The following SNX13 variants were observed in gnomAD, a reference collection of about 807,000 sequenced individuals.
SNX13 encodes the protein sorting nexin 13, also known as sorting nexin-13.
In SNX13, 45 loss-of-function variants were observed where a neutral mutation model predicts 133.6. The observed-to-expected ratio is 0.34, with a 90% CI of 0.27 to 0.43. The LOEUF is 0.43. Among genes scored for constraint, SNX13 ranks in the 20% least tolerant of loss-of-function variants. The pLI, the probability that SNX13 is intolerant of heterozygous loss-of-function variation, is 1.00. For missense variants in SNX13, 1,032 were observed against 1,145.1 expected (o/e 0.90, Z 1.43); for synonymous variants, 414 against 373.9 (o/e 1.11, Z -1.24).
chr7:17,870,052 G>A (rs1267739890), intron 8 of SNX13, among the ~76,000 whole-genome samples: 2 of 152,078 alleles, frequency 1.3e-5, no homozygotes, highest in African/African-American at 2.4e-5. Context: ...TTAGTCAAGG[G>A]CTAGTCATAT....
At chr7:17,833,573 T>C (rs1380689483) in intron 15 of SNX13, among the ~76,000 whole-genome samples, 2 of 151,634 alleles carry the variant, frequency 1.3e-5, no homozygotes, top group African/African-American at 4.8e-5. Context: ...GATAAATGAC[T>C]CTTGCGGCTT....
intron 1 of SNX13, among the ~76,000 whole-genome samples, chr7:17,914,593 G>A (rs1466006569): frequency 6.6e-6 from 1 of 152,106 alleles, no homozygotes; most frequent in Non-Finnish European, 1.5e-5. Flanking sequence ...TTAAAGAAAA[G>A]AAATGCCAGC....
intron 5 of SNX13, chr7:17,889,276 T>A (rs898626936): frequency 6.6e-6 from 1 of 152,298 alleles, no homozygotes; most frequent in Non-Finnish European, 1.5e-5. Context: ...GGATGAGGAG[T>A]ACAAATCTAT....
At chr7:17,857,532 C>G (rs978368765) in intron 9 of SNX13, among the ~76,000 whole-genome samples, 11 of 152,160 alleles carry the variant, frequency 7.2e-5, no homozygotes, top group Admixed American at 6.5e-4. Context: ...CACCTATAAT[C>G]CCAGCACTTT....
Position 17,891,642 on chromosome 7 carries a change from G to A in SNX13, c.229-7C>T. On this transcript the variant is annotated splice_polypyrimidine_tract_variant and splice_region_variant and intron_variant, in intron 3 of 25. Transcript: ENST00000428135. Reference sequence around the variant, plus strand: ...GTTTCATTTCTTCTAAGCACTTAAAGGAAATCAAAATATCTTACTGAGTAG... The same window carrying A: ...GTTTCATTTCTTCTAAGCACTTAAAAGAAATCAAAATATCTTACTGAGTAG... 1 of 1,603,030 alleles carries A rather than the reference G, an allele frequency of 6.2e-7. No homozygotes were observed. Among genetic ancestry groups the A allele is most frequent in the Non-Finnish European group, 8.5e-7 (1 of 1,171,732 alleles).
At chr7:17,906,448 T>TA (rs1227045968) in intron 1 of SNX13, among the ~76,000 whole-genome samples, 2 of 151,946 alleles carry the variant, frequency 1.3e-5, no homozygotes, top group Non-Finnish European at 2.9e-5. Context: ...CCACACAATT[T>TA]AAAAAAACCA....
intron 11 of SNX13, 55 bp from the exon 12 acceptor site, chr7:17,845,749 G>A (rs1269983401): frequency 8.2e-7 from 1 of 1,224,758 alleles, no homozygotes; most frequent in African/African-American, 1.5e-5. Flanking sequence ...CATTGTTAAA[G>A]ATGTGTACAT....
At chr7:17,934,231 T>C (rs906239796) in intron 1 of SNX13, among the ~76,000 whole-genome samples, 1 of 152,180 alleles carries the variant, frequency 6.6e-6, no homozygotes, top group Non-Finnish European at 1.5e-5. Context: ...AACCTGACTC[T>C]GAAATAGAAA....
At chr7:17,903,629 AAAC>A (rs1195458702) in intron 1 of SNX13, among the ~76,000 whole-genome samples, 3 of 152,232 alleles carry the variant, frequency 2.0e-5, no homozygotes, top group Non-Finnish European at 4.4e-5. Context: ...ATGCAAAGTT[AAAC>A]AATAAAAAAG....
At chr7:17,794,629 A>C in intron 25 of SNX13, 2 of 186,116 alleles carry the variant, frequency 1.1e-5, no homozygotes, top group Admixed American at 5.8e-5. Context: ...CTCTTTTCTC[A>C]TCTGAAAAGG....
In SNX13 at chr7:17,900,009, T is replaced by G. The variant is rs545953044; in HGVS notation, c.13-2563A>C. On this transcript the variant is annotated intron_variant, in intron 1 of 25. Coordinates refer to ENST00000428135, the MANE Select transcript of SNX13 (RefSeq NM_015132.5). ...TTGTGATCTATGTTTCTAGTAACTGTAGCCATATATACATTAGAGGCACCC... is the reference window on the plus strand; with the variant it reads ...TTGTGATCTATGTTTCTAGTAACTGGAGCCATATATACATTAGAGGCACCC... The G allele has an allele frequency of 2.0e-5, 3 of 152,366 alleles. No individual in the cohort carries two copies. In the South Asian group the frequency reaches 6.2e-4, roughly 32 times the overall value. The allele number at this position is 152,366 out of a possible 1,614,324, so 9.4% of individuals were successfully genotyped here. A position where few individuals can be genotyped will look rare whatever the true frequency, so the allele number is the denominator to read the frequency against.
At chr7:17,800,011 C>G (rs1187285914) in intron 22 of SNX13, among the ~76,000 whole-genome samples, 1 of 151,616 alleles carries the variant, frequency 6.6e-6, no homozygotes, top group Non-Finnish European at 1.5e-5. Context: ...CTTAGTGCAC[C>G]TTCCATTTCA....
At position 17,916,923 on chromosome 7, in the gene SNX13, T is replaced by C. The variant is rs144406154; in HGVS notation, c.13-19477A>G. Among the ~76,000 whole-genome samples the C allele has an allele frequency of 1.9e-3, 285 of 152,242 alleles. 1 individual carries two copies. Among genetic ancestry groups the C allele is most frequent in the African/African-American group, 6.4e-3 (267 of 41,554 alleles). On this transcript the variant is annotated intron_variant, in intron 1 of 25. Coordinates refer to ENST00000428135, the MANE Select transcript of SNX13 (RefSeq NM_015132.5). Reference sequence around the variant, plus strand: ...GATGCAAAAATCCTCAACAAAATACTAGCAAACTGAACCCAACAACATATG... The same window carrying C: ...GATGCAAAAATCCTCAACAAAATACCAGCAAACTGAACCCAACAACATATG...
intron 8 of SNX13, among the ~76,000 whole-genome samples, chr7:17,869,227 T>C (rs552451781): frequency 6.6e-6 from 1 of 152,264 alleles, no homozygotes; most frequent in South Asian, 2.1e-4. Flanking sequence ...ATAAGTCTTA[T>C]ATTTTTCTAA....
intron 14 of SNX13, 25 bp downstream of exon 14, chr7:17,834,736 T>A: frequency 1.4e-6 from 2 of 1,408,360 alleles, no homozygotes; most frequent in Non-Finnish European, 2.0e-6. Context: ...AAAGATAAAA[T>A]GATAAATGCT....
intron 1 of SNX13, among the ~76,000 whole-genome samples, chr7:17,924,762 T>A (rs1277723710): frequency 3.3e-5 from 5 of 152,108 alleles, no homozygotes; most frequent in Admixed American, 6.5e-5. Flanking sequence ...ATGTAGTATA[T>A]CCATACAATG....
intron 3 of SNX13, among the ~76,000 whole-genome samples, chr7:17,892,487 C>T (rs2127993889): frequency 6.7e-6 from 1 of 149,876 alleles, no homozygotes; most frequent in East Asian, 1.9e-4. Flanking sequence ...GGTTAATTTC[C>T]TAAGACTTAT....
intron 5 of SNX13, among the ~76,000 whole-genome samples, chr7:17,877,707 A>G (rs1794881992): frequency 6.7e-6 from 1 of 149,222 alleles, no homozygotes; most frequent in African/African-American, 2.5e-5. Flanking sequence ...TTTTAAACGA[A>G]TAAAATTATC....
chr7:17,882,865 A>C (rs778619186), intron 5 of SNX13: 1 of 1,286,160 alleles, frequency 7.8e-7, no homozygotes, highest in Non-Finnish European at 1.0e-6. Context: ...TGTTAAACAA[A>C]ACAGGGTTCC....
Sources: gnomAD v4.1 joint callset for allele counts (sites outside exome capture counted in the v4.1 genomes callset) on GRCh38, gnomAD v4.1.1 for gene constraint, MANE v1.5 for transcripts, NCBI Gene and HGNC (gene_info 2026-07-23, HGNC 2026-07-21) for gene names.